Variants in SLC35F5 observed in about 807,000 individuals in gnomAD.
SLC35F5 encodes the protein solute carrier family 35 member F5, also known as HCV NS5A-transactivated protein 3.
A neutral mutation model predicts 68.6 loss-of-function variants in SLC35F5; 54 were observed. The observed-to-expected ratio is 0.79, with a 90% CI of 0.63 to 0.99. The LOEUF is 0.99. SLC35F5 is among the 50% of genes least tolerant of loss of function. SLC35F5 has a pLI of 0.00. For synonymous variants in SLC35F5, 211 were observed against 205.2 expected (o/e 1.03, Z -0.24); for missense variants, 567 against 626.9 (o/e 0.90, Z 1.02).
chr2:113,736,765 G>A (rs1052014097), intron 7 of SLC35F5, among the ~76,000 whole-genome samples: 1 of 152,180 alleles, frequency 6.6e-6, no homozygotes, highest in African/African-American at 2.4e-5. Flanking sequence ...ATACAGTGAA[G>A]GAAGTTTTCC....
intron 1 of SLC35F5, chr2:113,755,966 G>C (rs1676968106): frequency 6.5e-7 from 1 of 1,548,962 alleles, no homozygotes; most frequent in Non-Finnish European, 8.7e-7. Flanking sequence ...GAGAGTAAGT[G>C]ATTTGCTGTG....
At chr2:113,755,419 G>A (rs1676934692) in intron 2 of SLC35F5, 35 bp downstream of exon 2, 1 of 1,609,358 alleles carries the variant, frequency 6.2e-7, no homozygotes. Context: ...AATGTTCAGT[G>A]TGAAAGTTAC....
chr2:113,750,147 T>C (rs1170498758), intron 4 of SLC35F5, among the ~76,000 whole-genome samples: 3 of 152,344 alleles, frequency 2.0e-5, no homozygotes, highest in South Asian at 2.1e-4. Flanking sequence ...CTTACTTTCA[T>C]CTTCATTGCC....
At chr2:113,722,622 T>TAA (rs1200944752) in intron 13 of SLC35F5, among the ~76,000 whole-genome samples, 2 of 152,180 alleles carry the variant, frequency 1.3e-5, no homozygotes, top group Non-Finnish European at 2.9e-5. Context: ...TGCCAATATT[T>TAA]ATCACAAGAA....
intron 11 of SLC35F5, among the ~76,000 whole-genome samples, chr2:113,727,044 G>C (rs552683421): frequency 2.0e-5 from 3 of 152,140 alleles, no homozygotes; most frequent in Non-Finnish European, 2.9e-5. Flanking sequence ...GGAGGGACCT[G>C]GTGGGAAGTG....
intron 13 of SLC35F5, 143 bp from the exon 14 acceptor site, chr2:113,719,451 G>A: frequency 1.7e-6 from 1 of 603,544 alleles, no homozygotes. Context: ...AATGTATTAA[G>A]TGTATTATTA....
rs1019414318 is a variant in SLC35F5 at position 113,750,009 on chromosome 2, G to A, written c.417+416C>T. 9.2e-5 allele frequency among the ~76,000 whole-genome samples: 14 copies of A among 152,024 alleles called. No individual in the cohort carries two copies. In the East Asian group the frequency reaches 9.6e-4, roughly 10 times the overall value. Reference sequence around the variant, plus strand: ...TTGATTAGCCAAACATCTAAAATACGTCTGGAAATATGATATTTTCATTTT... The same window carrying A: ...TTGATTAGCCAAACATCTAAAATACATCTGGAAATATGATATTTTCATTTT... On this transcript the variant is annotated intron_variant, in intron 4 of 15. Transcript: ENST00000245680.
chr2:113,718,497 T>C (rs1687263658), intron 14 of SLC35F5, among the ~76,000 whole-genome samples: 2 of 152,364 alleles, frequency 1.3e-5, no homozygotes, highest in Admixed American at 1.3e-4. Flanking sequence ...AAGTTTGTTA[T>C]GGCAAAACAG....
intron 3 of SLC35F5, among the ~76,000 whole-genome samples, chr2:113,754,811 A>C (rs1426392651): frequency 6.6e-6 from 1 of 152,242 alleles, no homozygotes; most frequent in Non-Finnish European, 1.5e-5. Flanking sequence ...CCTTCTACTA[A>C]ATGGTGACAT....
chr2:113,753,705 T>C (rs902356451), intron 3 of SLC35F5, among the ~76,000 whole-genome samples: 1 of 152,216 alleles, frequency 6.6e-6, no homozygotes, highest in African/African-American at 2.4e-5. Context: ...GTGAAATGAT[T>C]ACCACAAACA....
intron 10 of SLC35F5, 70 bp downstream of exon 10, chr2:113,731,514 G>C: frequency 8.1e-7 from 1 of 1,227,266 alleles, no homozygotes; most frequent in Non-Finnish European, 1.2e-6. Flanking sequence ...GCGTTCATCT[G>C]TGCACATGAG....
At chr2:113,742,489 T>C in intron 7 of SLC35F5, 1 of 594,924 alleles carries the variant, frequency 1.7e-6, no homozygotes, top group Non-Finnish European at 3.0e-6. Context: ...GTTATAGGAC[T>C]TAATGAATTC....
intron 12 of SLC35F5, 78 bp from the exon 13 acceptor site, chr2:113,723,272 T>C (rs187683374): frequency 1.9e-5 from 18 of 968,102 alleles, no homozygotes; most frequent in Admixed American, 5.3e-5. Context: ...CTTTCTATCC[T>C]ATAATATAGG....
At chr2:113,721,974 T>TC (rs1168843895) in intron 13 of SLC35F5, among the ~76,000 whole-genome samples, 1 of 142,596 alleles carries the variant, frequency 7.0e-6, no homozygotes, top group East Asian at 2.0e-4. Context: ...CTTTTATCTT[T>TC]TTTTTTTTTT....
intron 4 of SLC35F5, among the ~76,000 whole-genome samples, chr2:113,746,929 GA>G (rs68171112): frequency 0.2 from 20,622 of 104,028 alleles, 1,415 homozygotes; most frequent in African/African-American, 0.26. Flanking sequence ...CTCAAAAAAA[GA>G]AAAAAAAAAA....
At chr2:113,721,971 C>CTTTTTTTTTTT (rs71297192) in intron 13 of SLC35F5, among the ~76,000 whole-genome samples, 27 of 107,650 alleles carry the variant, frequency 2.5e-4, no homozygotes, top group Admixed American at 4.2e-4. Context: ...TTGCTTTTAT[C>CTTTTTTTTTTT]TTTTTTTTTT....
chr2:113,730,935 G>GTA (rs1236652569), intron 10 of SLC35F5, among the ~76,000 whole-genome samples: 2 of 152,156 alleles, frequency 1.3e-5, no homozygotes, highest in African/African-American at 4.8e-5. Context: ...GGAAATATTA[G>GTA]TAACTTTACA....
At position 113,707,891 on chromosome 2, in the gene SLC35F5, A is replaced by G. The variant is rs750725718; in HGVS notation, c.*7327T>C. Among the ~76,000 whole-genome samples, 26 of 152,064 alleles carry G rather than the reference A, an allele frequency of 1.7e-4. No individual in the cohort carries two copies. The highest frequency in any genetic ancestry group is 3.1e-4 in the Non-Finnish European group (21 of 67,992). The stretch of plus-strand genomic sequence containing the variant: ...ATAAAGACTCATTTTAAATTATACT[A>G]GTTGAACCTTTATACTACAATGTAT... On this transcript the variant is annotated 3_prime_UTR_variant, in exon 16 of 16. Transcript: ENST00000245680.
At position 113,719,294 on chromosome 2, in the gene SLC35F5, C is replaced by A; in HGVS notation, c.1356G>T (p.Trp452Cys). Residue 452 changes from tryptophan to cysteine, a missense_variant, in exon 14 of 16, where the codon TGG (tryptophan) becomes TGT (cysteine). Physicochemically the swap from Trp to Cys is radical, Grantham distance 215. Coordinates refer to ENST00000245680, the MANE Select transcript of SLC35F5 (RefSeq NM_025181.5). The part of the protein sequence containing the change: ...DMCMQKVQFS[W>C]LFFAGAIPVF... Reference sequence around the variant, plus strand: ...CAGGGATAGCTCCTGCAAAAAATAACCAAGAAAACTGCACCTAAAAATAAA... The same window carrying A: ...CAGGGATAGCTCCTGCAAAAAATAAACAAGAAAACTGCACCTAAAAATAAA... 2 of 1,539,936 alleles carry A rather than the reference C, an allele frequency of 1.3e-6. No individual in the cohort carries two copies. Among genetic ancestry groups the A allele is most frequent in the Non-Finnish European group, 1.7e-6 (2 of 1,157,220 alleles).
Sources: allele counts gnomAD v4.1 joint callset (sites outside exome capture counted in the v4.1 genomes callset), GRCh38; gene constraint gnomAD v4.1.1; transcripts MANE v1.5; gene names NCBI Gene and HGNC (gene_info 2026-07-23, HGNC 2026-07-21).